The following GARNL3 variants were observed in gnomAD, a reference collection of about 807,000 sequenced individuals.
GARNL3 encodes GTPase-activating Rap/Ran-GAP domain-like protein 3.
GARNL3 carries 63 observed loss-of-function variants against 125.0 expected under a neutral mutation model. The observed-to-expected ratio is 0.50, with a 90% CI of 0.41 to 0.62. GARNL3 has a LOEUF of 0.62. Ranked by LOEUF, GARNL3 falls within the 20% of genes least tolerant of loss-of-function variation. The pLI, the probability that GARNL3 is intolerant of heterozygous loss-of-function variation, is 0.00. For synonymous variants in GARNL3, 439 were observed against 457.5 expected, an observed-to-expected ratio of 0.96 and a Z score of 0.52; for missense variants, 994 against 1,244.0, an observed-to-expected ratio of 0.80 and a Z score of 3.02.
chr9:127,371,931 T>C (rs1588954358), intron 22 of GARNL3, among the ~76,000 whole-genome samples: 1 of 152,190 alleles, frequency 6.6e-6, no homozygotes, highest in Non-Finnish European at 1.5e-5. Context: ...GATAGACATG[T>C]GCAAAAAAAA....
intron 22 of GARNL3, among the ~76,000 whole-genome samples, chr9:127,367,834 A>T (rs2131733724): frequency 6.8e-6 from 1 of 147,018 alleles, no homozygotes; most frequent in African/African-American, 2.5e-5. Flanking sequence ...CAGATAAGTA[A>T]TAGTAAGAAT....
At chr9:127,325,815 TA>T (rs1240999514) in intron 7 of GARNL3, among the ~76,000 whole-genome samples, 1 of 152,204 alleles carries the variant, frequency 6.6e-6, no homozygotes, top group Non-Finnish European at 1.5e-5. Flanking sequence ...CAGACTCTCC[TA>T]ACTCTTTTCC....
At chr9:127,352,181 A>G (rs1004018800) in intron 17 of GARNL3, among the ~76,000 whole-genome samples, 3 of 152,236 alleles carry the variant, frequency 2.0e-5, no homozygotes, top group Non-Finnish European at 4.4e-5. Flanking sequence ...TGAAGAGAGC[A>G]TGGCTTTGTC....
intron 19 of GARNL3, among the ~76,000 whole-genome samples, chr9:127,355,001 C>G (rs376164033): frequency 6.6e-6 from 1 of 152,218 alleles, no homozygotes; most frequent in Non-Finnish European, 1.5e-5. Flanking sequence ...CCAAGTTGGC[C>G]AGGCTGGTCT....
At chr9:127,354,241 G>C (rs1292744185) in intron 18 of GARNL3, 53 bp from the exon 19 acceptor site, 1 of 1,426,112 alleles carries the variant, frequency 7.0e-7, no homozygotes, top group Non-Finnish European at 9.8e-7. Flanking sequence ...AGGCCCTCCA[G>C]GTTACCTTAC....
intron 2 of GARNL3, among the ~76,000 whole-genome samples, chr9:127,310,968 A>G (rs971289820): frequency 1.3e-5 from 2 of 152,150 alleles, no homozygotes; most frequent in East Asian, 1.9e-4. Context: ...TTTAACTTCT[A>G]AGAATTATCC....
intron 2 of GARNL3, among the ~76,000 whole-genome samples, chr9:127,258,648 A>T (rs933137020): frequency 6.6e-6 from 1 of 152,152 alleles, no homozygotes; most frequent in Non-Finnish European, 1.5e-5. Context: ...CAAAAGAAAA[A>T]AAGAAAAGAA....
In GARNL3 at chr9:127,336,305, C is replaced by A. The variant is rs909984205; in HGVS notation, c.982+69C>A. Reference sequence around the variant, plus strand: ...TTCAGCCTCACTGGACTTCCATGACCCTTAAACCAAATCTTGTCATGGACT... The same window carrying A: ...TTCAGCCTCACTGGACTTCCATGACACTTAAACCAAATCTTGTCATGGACT... On this transcript the variant is annotated intron_variant, in intron 11 of 27. Coordinates refer to ENST00000373387, the MANE Select transcript of GARNL3 (RefSeq NM_032293.5). The A allele has an allele frequency of 8.8e-6, 9 of 1,019,818 alleles. No individual in the cohort carries two copies. The Admixed American group carries it at 1.5e-4, about 17-fold the overall frequency. The allele number at this position is 1,019,818 out of a possible 1,614,324, so 63.2% of individuals were successfully genotyped here.
intron 20 of GARNL3, chr9:127,356,411 A>G (rs1392422097): frequency 2.0e-5 from 3 of 152,218 alleles, no homozygotes; most frequent in African/African-American, 7.2e-5. Context: ...TGACATCACC[A>G]TCTCTTATCT....
intron 12 of GARNL3, among the ~76,000 whole-genome samples, chr9:127,339,288 C>T (rs935987542): frequency 2.9e-5 from 4 of 139,746 alleles, no homozygotes; most frequent in African/African-American, 1.2e-4. Context: ...CAGAGCGAGA[C>T]TCCGTCTCAA....
intron 2 of GARNL3, among the ~76,000 whole-genome samples, chr9:127,244,239 G>A (rs946578427): frequency 1.2e-4 from 18 of 152,192 alleles, no homozygotes; most frequent in African/African-American, 4.1e-4. Flanking sequence ...GAGAAGCAGC[G>A]TGAATAACGT....
intron 6 of GARNL3, 82 bp downstream of exon 6, chr9:127,320,860 A>ATCCTG (rs2065377581): frequency 1.1e-6 from 1 of 951,382 alleles, no homozygotes; most frequent in Non-Finnish European, 1.6e-6. Context: ...CATAATCCTT[A>ATCCTG]TCCTGGGATG....
chr9:127,320,638 G>A, intron 5 of GARNL3, 77 bp from the exon 6 acceptor site: 2 of 989,278 alleles, frequency 2.0e-6, no homozygotes, highest in Non-Finnish European at 3.2e-6. Flanking sequence ...GCCCTTTAGG[G>A]AAAACAGCTG....
intron 24 of GARNL3, 151 bp from the exon 25 acceptor site, chr9:127,387,042 C>T (rs1275348383): frequency 3.0e-6 from 2 of 677,586 alleles, no homozygotes; most frequent in Admixed American, 2.8e-5. Flanking sequence ...CTCCAGAAGG[C>T]TCTCTCCATC....
At chr9:127,229,765 G>A (rs1284103424) in intron 1 of GARNL3, among the ~76,000 whole-genome samples, 1 of 152,134 alleles carries the variant, frequency 6.6e-6, no homozygotes, top group Non-Finnish European at 1.5e-5. Context: ...CCAAAGTGCT[G>A]GGTTACAGGC....
At chr9:127,335,976 C>G (rs1357154790) in intron 10 of GARNL3, 152 bp from the exon 11 acceptor site, 1 of 614,270 alleles carries the variant, frequency 1.6e-6, no homozygotes, top group East Asian at 3.0e-5. Context: ...CCTAGGCTGG[C>G]AAAACATGGG....
intron 6 of GARNL3, among the ~76,000 whole-genome samples, chr9:127,324,802 G>A (rs552812720): frequency 2.0e-5 from 3 of 152,148 alleles, no homozygotes; most frequent in African/African-American, 2.4e-5. Flanking sequence ...TTAAGAATGC[G>A]ACAGCAGGGA....
chr9:127,367,301 G>C (rs1426883766), intron 22 of GARNL3: 1 of 152,132 alleles, frequency 6.6e-6, no homozygotes, highest in African/African-American at 2.4e-5. Flanking sequence ...TTTCAACAAG[G>C]TGCTGCAGAA....
chr9:127,320,610 G>T, intron 5 of GARNL3, 105 bp from the exon 6 acceptor site: 1 of 712,534 alleles, frequency 1.4e-6, no homozygotes. Context: ...TTGTTGATTT[G>T]TATCTTCTGA....
Sources: allele counts gnomAD v4.1 joint callset (sites outside exome capture counted in the v4.1 genomes callset), GRCh38; gene constraint gnomAD v4.1.1; transcripts MANE v1.5; gene names NCBI Gene and HGNC (gene_info 2026-07-23, HGNC 2026-07-21).